The following PRDM16 variants were observed in gnomAD, a reference collection of about 807,000 sequenced individuals.
PRDM16 encodes histone-lysine N-methyltransferase PRDM16.
Under a neutral mutation model 110.6 loss-of-function variants are expected in PRDM16, and 23 were observed. The observed-to-expected ratio is 0.21, with a 90% CI of 0.15 to 0.29. PRDM16 has a LOEUF of 0.29. Among genes scored for constraint, PRDM16 ranks in the 10% least tolerant of loss-of-function variants. The pLI, the probability that PRDM16 is intolerant of heterozygous loss-of-function variation, is 1.00. For synonymous variants in PRDM16, 799 were observed against 781.8 expected, an observed-to-expected ratio of 1.02 and a Z score of -0.37; for missense variants, 1,615 against 1,794.3, an observed-to-expected ratio of 0.90 and a Z score of 1.81.
chr1:3,311,140 G>A (rs776719961), intron 3 of PRDM16, among the ~76,000 whole-genome samples: 2 of 152,316 alleles, frequency 1.3e-5, no homozygotes, highest in Non-Finnish European at 1.5e-5. Context: ...GGGTTAACCC[G>A]CCGAGGGCTG....
At chr1:3,375,505 C>T (rs942642355) in intron 3 of PRDM16, among the ~76,000 whole-genome samples, 17 of 152,250 alleles carry the variant, frequency 1.1e-4, no homozygotes, top group Admixed American at 2.0e-4. Flanking sequence ...AAGGACGAGC[C>T]ACATGCCAGA....
chr1:3,360,174 G>A (rs894937618), intron 3 of PRDM16, among the ~76,000 whole-genome samples: 11 of 152,218 alleles, frequency 7.2e-5, no homozygotes, highest in South Asian at 2.1e-4. Flanking sequence ...GATCGGGAAC[G>A]GGAGGCCCAG....
rs765322150 is a variant in PRDM16, at chr1:3,425,675, C to T, written c.3034C>T (p.Leu1012=). The stretch of plus-strand genomic sequence containing the variant: ...CAAGGAGAAGCCTTTCAAGTGCCAC[C>T]TGTGCAACCGCTGCTTCGGGCAGCA... The part of the protein sequence containing the change: ...HNKEKPFKCH[L]CNRCFGQQTN... Residue 1012 remains leucine (L), a synonymous_variant, in exon 13 of 17, where the codon CTG becomes TTG. Transcript: ENST00000270722. The surrounding 1 kb of genome is among the most constrained non-coding windows in gnomAD (Gnocchi z 6.9). 8.1e-6 allele frequency: 13 copies of T among 1,613,852 alleles called. No individual in the cohort carries two copies. The highest frequency in any genetic ancestry group is 1.0e-5 in the Non-Finnish European group (12 of 1,179,960).
intron 1 of PRDM16, among the ~76,000 whole-genome samples, chr1:3,075,843 G>A (rs1320271630): frequency 6.6e-6 from 1 of 152,240 alleles, no homozygotes; most frequent in Non-Finnish European, 1.5e-5. Context: ...AGGCGGAGCA[G>A]TGGGTGCGGC....
At chr1:3,220,661 C>T (rs1259157372) in intron 2 of PRDM16, among the ~76,000 whole-genome samples, 6 of 152,198 alleles carry the variant, frequency 3.9e-5, no homozygotes, top group Non-Finnish European at 8.8e-5. Context: ...TTTGGTCTCT[C>T]TCCCCATTCT....
intron 1 of PRDM16, among the ~76,000 whole-genome samples, chr1:3,125,839 C>G (rs370580244): frequency 1.3e-5 from 2 of 152,212 alleles, no homozygotes; most frequent in Non-Finnish European, 2.9e-5. Context: ...TGCACTGGCC[C>G]GATTCATTAA....
Position 3,236,412 on chromosome 1 carries a change from G to T in PRDM16, c.388-7675G>T, listed in dbSNP as rs567150978. 2.0e-5 allele frequency among the ~76,000 whole-genome samples: 3 copies of T among 152,302 alleles called. No individual in the cohort carries two copies. In the East Asian group the frequency reaches 5.8e-4, roughly 29 times the overall value. ...GGTCAAGGACCACAAATATGCTAAT[G>T]GCCTGGGGGGGCGCTTGTCTGACCA... On this transcript the variant is annotated intron_variant, in intron 2 of 16. Transcript: ENST00000270722.
At chr1:3,257,038 C>T (rs1050916984) in intron 3 of PRDM16, among the ~76,000 whole-genome samples, 5 of 152,116 alleles carry the variant, frequency 3.3e-5, no homozygotes, top group Non-Finnish European at 5.9e-5. Context: ...AAATGAACAC[C>T]GATGGGGGTG....
At chr1:3,326,971 G>A (rs1342280122) in intron 3 of PRDM16, among the ~76,000 whole-genome samples, 4 of 152,212 alleles carry the variant, frequency 2.6e-5, no homozygotes, top group East Asian at 1.9e-4. Context: ...GCCCCCAGAC[G>A]CCTGCCCTGG....
Position 3,425,870 on chromosome 1 carries a change from C to A in PRDM16, c.3109+120C>A. 1 of 1,347,844 alleles carries A rather than the reference C, an allele frequency of 7.4e-7. No homozygotes were observed. The highest frequency in any genetic ancestry group is 1.0e-6 in the Non-Finnish European group (1 of 981,896). 83.5% of individuals were successfully genotyped at this position (1,347,844 alleles called of 1,614,324 possible). A position where few individuals can be genotyped will look rare whatever the true frequency, so the allele number is the denominator to read the frequency against. ...GGGAAGAGGGCCACAGACTACCCCT[C>A]AGGAAGCCAACAGGCACCCCTCAAA... On this transcript the variant is annotated intron_variant, in intron 13 of 16. Transcript: ENST00000270722. This position sits in a 1 kb window ranked among gnomAD's most constrained non-coding sequence, Gnocchi z 6.9.
rs779286340 is a variant in PRDM16, at chr1:3,359,718, G to A, written c.439-25434G>A. Among the ~76,000 whole-genome samples, 3 of 152,176 alleles carry A rather than the reference G, an allele frequency of 2.0e-5. No homozygotes were observed. The highest frequency in any genetic ancestry group is 4.4e-5 in the Non-Finnish European group (3 of 68,044). ...CTTCTTTCCCCCTTGGAAAAAAAGC[G>A]TCCTCTGTGTGCCTGAGGGGAACGC... is the stretch of plus-strand genomic sequence containing the variant. On this transcript the variant is annotated intron_variant, in intron 3 of 16. Coordinates refer to ENST00000270722, the MANE Select transcript of PRDM16 (RefSeq NM_022114.4). This position sits in a 1 kb window ranked among gnomAD's most constrained non-coding sequence, Gnocchi z 4.3.
Position 3,244,266 on chromosome 1 carries a change from A to G in PRDM16, c.438+129A>G. ...GGAATGTTGCTGGCAGGCCCCGAGC[A>G]ATGTGTTATCTGTGGACTGACGTGT... On this transcript the variant is annotated intron_variant, in intron 3 of 16. Transcript: ENST00000270722. The surrounding 1 kb of genome is among the most constrained non-coding windows in gnomAD (Gnocchi z 4.1). 1.2e-6 allele frequency: 1 copy of G among 845,790 alleles called. No homozygotes were observed. The highest frequency in any genetic ancestry group is 1.9e-6 in the Non-Finnish European group (1 of 517,704). The allele number at this position is 845,790 out of a possible 1,614,324, so 52.4% of individuals were successfully genotyped here.
At chr1:3,220,397 G>A (rs1009280122) in intron 2 of PRDM16, among the ~76,000 whole-genome samples, 6 of 152,138 alleles carry the variant, frequency 3.9e-5, no homozygotes, top group Non-Finnish European at 5.9e-5. Context: ...CCCTCCCCGC[G>A]TCTGCCACCT....
intron 1 of PRDM16, 141 bp from the exon 2 acceptor site, chr1:3,185,984 C>T (rs536591671): frequency 7.4e-6 from 5 of 674,914 alleles, no homozygotes; most frequent in East Asian, 2.7e-5. Context: ...CAGCGTCTCC[C>T]GGGCAGGGGT....
At chr1:3,278,209 G>A (rs1640634240) in intron 3 of PRDM16, among the ~76,000 whole-genome samples, 1 of 152,210 alleles carries the variant, frequency 6.6e-6, no homozygotes, top group Non-Finnish European at 1.5e-5. Context: ...CCTGCCTGGG[G>A]CAGAGAAGAC....
chr1:3,261,851 C>G (rs924982172), intron 3 of PRDM16, among the ~76,000 whole-genome samples: 5 of 152,192 alleles, frequency 3.3e-5, no homozygotes, highest in Non-Finnish European at 7.3e-5. Context: ...GCTCAGTTGA[C>G]AGGTTGTCTG....
At chr1:3,106,267 G>A (rs1227964184) in intron 1 of PRDM16, among the ~76,000 whole-genome samples, 5 of 152,236 alleles carry the variant, frequency 3.3e-5, no homozygotes, top group Admixed American at 2.0e-4. Context: ...TGGATGCGAT[G>A]GGGGTGTCCA....
chr1:3,253,947 C>G (rs568267495), intron 3 of PRDM16, among the ~76,000 whole-genome samples: 52 of 152,308 alleles, frequency 3.4e-4, no homozygotes, highest in Non-Finnish European at 6.6e-4. Flanking sequence ...ATTTGTATTT[C>G]TCTGATGGCT....
chr1:3,242,581 C>T (rs1410614870), intron 2 of PRDM16, among the ~76,000 whole-genome samples: 1 of 152,206 alleles, frequency 6.6e-6, no homozygotes, highest in African/African-American at 2.4e-5. Flanking sequence ...AGGCTTTCTC[C>T]TCTTCCAAAC....
Sources: allele counts gnomAD v4.1 joint callset (sites outside exome capture counted in the v4.1 genomes callset), GRCh38; gene constraint gnomAD v4.1.1; non-coding constraint Gnocchi (gnomAD v3.1); transcripts MANE v1.5; gene names NCBI Gene and HGNC (gene_info 2026-07-23, HGNC 2026-07-21).